Variants in ADCY8 observed in about 807,000 individuals in gnomAD.
The protein encoded by ADCY8 is adenylate cyclase type 8.
A neutral mutation model predicts 119.7 loss-of-function variants in ADCY8; 51 were observed. That is an observed-to-expected ratio of 0.43 (90% CI 0.34 to 0.54). The LOEUF (loss-of-function observed/expected upper bound fraction) is 0.54. ADCY8 is among the 20% of genes least tolerant of loss of function. The probability of loss-of-function intolerance (pLI) is 0.03; values close to 1 mark genes in which losing one functional copy is unlikely to be tolerated. For synonymous variants in ADCY8, 665 were observed against 651.0 expected (o/e 1.02, Z -0.33); for missense variants, 1,383 against 1,598.8 (o/e 0.87, Z 2.30).
intron 7 of ADCY8, among the ~76,000 whole-genome samples, chr8:130,889,886 T>TA (rs1262887983): frequency 2.0e-5 from 3 of 152,072 alleles, no homozygotes; most frequent in Admixed American, 6.6e-5. Context: ...ACTGCTACTA[T>TA]AAAAAACAAA....
chr8:130,828,563 T>C (rs1360109909), intron 12 of ADCY8, among the ~76,000 whole-genome samples: 3 of 152,222 alleles, frequency 2.0e-5, no homozygotes, highest in Non-Finnish European at 4.4e-5. Flanking sequence ...ATCCTTTCCA[T>C]GAGGCAGATT....
chr8:130,936,771 T>C (rs1490537288), intron 5 of ADCY8, among the ~76,000 whole-genome samples: 1 of 152,228 alleles, frequency 6.6e-6, no homozygotes, highest in African/African-American at 2.4e-5. Flanking sequence ...TCTCTCTCTC[T>C]GCACTGTAAC....
intron 15 of ADCY8, among the ~76,000 whole-genome samples, chr8:130,795,306 G>A (rs984968128): frequency 1.3e-5 from 2 of 152,182 alleles, no homozygotes; most frequent in Admixed American, 6.5e-5. Flanking sequence ...GGGGAGACAG[G>A]ACCACGCATA....
chr8:130,884,286 A>G (rs1051521963), intron 8 of ADCY8, among the ~76,000 whole-genome samples: 2 of 152,304 alleles, frequency 1.3e-5, no homozygotes, highest in African/African-American at 4.8e-5. Context: ...AAAGTGGAAG[A>G]AACTCTTGAT....
chr8:130,786,325 C>T (rs1815247385), intron 15 of ADCY8, among the ~76,000 whole-genome samples: 1 of 152,044 alleles, frequency 6.6e-6, no homozygotes, highest in Admixed American at 6.5e-5. Flanking sequence ...TTACCTTTAC[C>T]TGTGGTTTCG....
Position 130,881,461 on chromosome 8 carries a change from T to C in ADCY8, c.2109+3103A>G, listed in dbSNP as rs545025395. ...AAACGGGTTCCTATATTCATTTGTC[T>C]TCTTATTGTTCAAACGGAATAAAGC... On this transcript the variant is annotated intron_variant, in intron 8 of 17. Coordinates refer to ENST00000286355, the MANE Select transcript of ADCY8 (RefSeq NM_001115.3). Among the ~76,000 whole-genome samples the C allele has an allele frequency of 2.0e-5, 3 of 152,314 alleles. No individual in the cohort carries two copies. In the East Asian group the frequency reaches 5.8e-4, roughly 29 times the overall value.
At chr8:130,847,286 G>A in intron 11 of ADCY8, 138 bp downstream of exon 11, 1 of 598,390 alleles carries the variant, frequency 1.7e-6, no homozygotes. Flanking sequence ...GAAGAAGAAA[G>A]GAAAGAAGAA....
intron 13 of ADCY8, among the ~76,000 whole-genome samples, chr8:130,816,417 A>AT (rs369547834): frequency 8.3e-6 from 1 of 121,066 alleles, no homozygotes; most frequent in Admixed American, 9.0e-5. Context: ...TTCTTAATTA[A>AT]TTTTTTTTTC....
rs575385657 is a variant in ADCY8 at position 130,909,690 on chromosome 8, G to C, written c.1640+18C>G. 1.9e-5 allele frequency: 31 copies of C among 1,613,856 alleles called. No individual in the cohort carries two copies. In the East Asian group the frequency reaches 6.9e-4, roughly 36 times the overall value. ...AATGACAACCGTTAAGCATGAAAAGGGCTTTGCTTTATCTTACCCAGGGAT... is the reference window on the plus strand; with the variant it reads ...AATGACAACCGTTAAGCATGAAAAGCGCTTTGCTTTATCTTACCCAGGGAT... On this transcript the variant is annotated intron_variant, in intron 6 of 17. Transcript: ENST00000286355.
intron 3 of ADCY8, among the ~76,000 whole-genome samples, chr8:130,947,896 T>G (rs889864842): frequency 6.6e-6 from 1 of 152,058 alleles, no homozygotes; most frequent in Admixed American, 6.5e-5. Flanking sequence ...AATCCACCTG[T>G]CACTAGGAAA....
chr8:130,829,012 C>A (rs1396593477), intron 12 of ADCY8, among the ~76,000 whole-genome samples: 1 of 152,150 alleles, frequency 6.6e-6, no homozygotes, highest in East Asian at 1.9e-4. Context: ...GGGAGCCAGG[C>A]AGGTCACAAA....
chr8:130,919,737 G>A (rs1014560935), intron 5 of ADCY8, among the ~76,000 whole-genome samples: 30 of 152,032 alleles, frequency 2.0e-4, no homozygotes, highest in African/African-American at 6.0e-4. Flanking sequence ...CTCCTCCTAG[G>A]GGCAGCTGAG....
intron 2 of ADCY8, among the ~76,000 whole-genome samples, chr8:130,960,512 T>TGTCTTA (rs1182569109): frequency 6.6e-6 from 1 of 152,174 alleles, no homozygotes; most frequent in Non-Finnish European, 1.5e-5. Flanking sequence ...GATTTCAGCA[T>TGTCTTA]GTCTTACTTT....
intron 1 of ADCY8, among the ~76,000 whole-genome samples, chr8:131,022,022 T>C (rs1453771986): frequency 6.6e-6 from 1 of 152,222 alleles, no homozygotes; most frequent in Non-Finnish European, 1.5e-5. Context: ...AATTTATTTT[T>C]GTTAGTAGGG....
chr8:130,935,409 C>A (rs1163454664), intron 5 of ADCY8: 1 of 152,174 alleles, frequency 6.6e-6, no homozygotes, highest in Non-Finnish European at 1.5e-5. Flanking sequence ...CCTCAGATTC[C>A]TTCTCTTCTG....
At chr8:130,884,110 G>A (rs1218354423) in intron 8 of ADCY8, among the ~76,000 whole-genome samples, 2 of 152,136 alleles carry the variant, frequency 1.3e-5, no homozygotes, top group Non-Finnish European at 2.9e-5. Flanking sequence ...ACTGGGGAAA[G>A]GGGAGAATAG....
chr8:130,904,139 AG>A, intron 6 of ADCY8, 97 bp from the exon 7 acceptor site: 1 of 1,253,802 alleles, frequency 8.0e-7, no homozygotes. Flanking sequence ...GGGTTACACA[AG>A]GGTATTATTA....
intron 16 of ADCY8, among the ~76,000 whole-genome samples, 157 bp from the exon 17 acceptor site, chr8:130,783,962 G>T (rs1815170140): frequency 1.3e-5 from 2 of 152,156 alleles, no homozygotes; most frequent in Non-Finnish European, 2.9e-5. Context: ...CAAGTCACTG[G>T]TATCTCAGAA....
chr8:130,894,895 T>C (rs1340027031), intron 7 of ADCY8, among the ~76,000 whole-genome samples: 2 of 152,150 alleles, frequency 1.3e-5, no homozygotes, highest in Admixed American at 6.6e-5. Flanking sequence ...AATGCAATTT[T>C]GCTTGGAAAG....
Sources: allele counts gnomAD v4.1 joint callset (sites outside exome capture counted in the v4.1 genomes callset), GRCh38; gene constraint gnomAD v4.1.1; transcripts MANE v1.5; gene names NCBI Gene and HGNC (gene_info 2026-07-23, HGNC 2026-07-21).